Variants in MPDZ observed in about 807,000 individuals in gnomAD.
MPDZ encodes multiple PDZ domain crumbs cell polarity complex component.
In MPDZ, 234 loss-of-function variants were observed where a neutral mutation model predicts 239.1. The observed-to-expected ratio is 0.98, with a 90% CI of 0.88 to 1.09. MPDZ has a LOEUF of 1.09. Ranked by LOEUF, MPDZ falls within the 50% of genes least tolerant of loss-of-function variation. MPDZ has a pLI of 0.00. For missense variants in MPDZ, 3,175 were observed against 2,510.0 expected (o/e 1.26, Z -5.66); for synonymous variants, 1,048 against 881.3 (o/e 1.19, Z -3.35).
chr9:13,238,360 G>A (rs1300139641), intron 3 of MPDZ, among the ~76,000 whole-genome samples: 2 of 152,150 alleles, frequency 1.3e-5, no homozygotes, highest in African/African-American at 4.8e-5. Flanking sequence ...CCTTCCCCTC[G>A]AACCGTGTAA....
chr9:13,192,163 G>A lies in MPDZ; in HGVS notation c.1936C>T (p.Leu646=), dbSNP rs1343800752. The change falls in exon 15 of 47, where the codon CTG becomes TTG. Residue 646 remains leucine, a synonymous_variant. Coordinates refer to ENST00000319217, the MANE Select transcript of MPDZ (RefSeq NM_001378778.1). ...GTTAGCTCAATATCACATAAGTCCA[G>A]GCTATCCAATTCTGATTGGGTGGTG... ...PPTTQSELDS[L]DLCDIELTEK... 8.1e-6 allele frequency: 13 copies of A among 1,609,494 alleles called. No individual in the cohort carries two copies. The South Asian group carries it at 1.4e-4, about 18-fold the overall frequency.
intron 3 of MPDZ, among the ~76,000 whole-genome samples, chr9:13,238,959 T>C (rs533993243): frequency 3.9e-5 from 6 of 152,334 alleles, no homozygotes; most frequent in African/African-American, 1.4e-4. Context: ...AAAACACTTC[T>C]GAATTTTGAT....
At chr9:13,249,008 A>AAAAAAAAAAAAAAAAAAAAAAAAAC (rs1279043046) in intron 2 of MPDZ, among the ~76,000 whole-genome samples, 3 of 125,256 alleles carry the variant, frequency 2.4e-5, no homozygotes, top group Non-Finnish European at 3.4e-5. Context: ...AAAAAAAAAA[A>AAAAAAAAAAAAAAAAAAAAAAAAAC]ATTGGAATCA....
At chr9:13,157,362 A>T (rs1027825803) in intron 24 of MPDZ, among the ~76,000 whole-genome samples, 1 of 152,098 alleles carries the variant, frequency 6.6e-6, no homozygotes, top group Non-Finnish European at 1.5e-5. Flanking sequence ...TTGAGGCAGG[A>T]TTTGCATCTT....
intron 1 of MPDZ, among the ~76,000 whole-genome samples, chr9:13,268,532 A>C (rs1195021241): frequency 6.6e-6 from 1 of 152,170 alleles, no homozygotes; most frequent in Non-Finnish European, 1.5e-5. Flanking sequence ...AATTTAGTGG[A>C]AAACGGTAAG....
intron 22 of MPDZ, among the ~76,000 whole-genome samples, chr9:13,166,030 A>G (rs915783320): frequency 1.3e-5 from 2 of 152,100 alleles, no homozygotes; most frequent in African/African-American, 2.4e-5. Flanking sequence ...CCTAAAACCA[A>G]TCAGTTATGT....
At position 13,117,479 on chromosome 9, in the gene MPDZ, C is replaced by T. The variant is rs574966197; in HGVS notation, c.5379+2023G>A. 7.2e-4 allele frequency among the ~76,000 whole-genome samples: 108 copies of T among 149,674 alleles called. 1 individual carries two copies. Among genetic ancestry groups the T allele is most frequent in the Non-Finnish European group, 8.3e-4 (56 of 67,634 alleles). Reference sequence around the variant, plus strand: ...CCGGGAGGCGGAGCTTGCAGTGAGCCGAGATCACACCACTGCACTCCAGCC... The same window carrying T: ...CCGGGAGGCGGAGCTTGCAGTGAGCTGAGATCACACCACTGCACTCCAGCC... On this transcript the variant is annotated intron_variant, in intron 39 of 46. Coordinates refer to ENST00000319217, the MANE Select transcript of MPDZ (RefSeq NM_001378778.1).
In MPDZ at chr9:13,126,523, A is replaced by G. The variant is rs564441634; in HGVS notation, c.4625T>C (p.Ile1542Thr). Reference protein sequence around the residue: ...VDDEIVVGYPIEKFISLLKTA... With the variant: ...VDDEIVVGYPTEKFISLLKTA... The stretch of plus-strand genomic sequence containing the variant: ...TTTATTTTGGAAAATTACCTTTTCA[A>G]TAGGGTAACCAACAACAATTTCATC... Residue 1542 changes from isoleucine (I) to threonine (T), a missense_variant, in exon 34 of 47, where the codon ATT (isoleucine) becomes ACT (threonine). By Grantham distance (89) the Ile-to-Thr change is moderately conservative (BLOSUM62 -1). Coordinates refer to ENST00000319217, the MANE Select transcript of MPDZ (RefSeq NM_001378778.1). 8 of 1,561,358 alleles carry G rather than the reference A, an allele frequency of 5.1e-6. No homozygotes were observed. In the African/African-American group the frequency reaches 5.4e-5, roughly 11 times the overall value.
At chr9:13,111,997 G>A (rs1942563243) in intron 43 of MPDZ, 27 bp downstream of exon 43, 1 of 1,609,932 alleles carries the variant, frequency 6.2e-7, no homozygotes. Context: ...TTTTGCTAGG[G>A]CTTCTAGGGT....
chr9:13,125,193 T>C (rs765338028), intron 35 of MPDZ, 23 bp downstream of exon 35: 13 of 1,542,632 alleles, frequency 8.4e-6, no homozygotes, highest in Non-Finnish European at 1.1e-5. Context: ...TGTGCAGGAC[T>C]CTCATGAGTC....
In MPDZ at chr9:13,150,671, T is replaced by C; in HGVS notation, c.3470A>G (p.Glu1157Gly). The C allele has an allele frequency of 7.1e-7, 1 of 1,407,300 alleles. No homozygotes were observed. Among genetic ancestry groups the C allele is most frequent in the Non-Finnish European group, 9.3e-7 (1 of 1,071,336 alleles). The allele number at this position is 1,407,300 out of a possible 1,614,324, so 87.2% of individuals were successfully genotyped here. A position where few individuals can be genotyped will look rare whatever the true frequency, so the allele number is the denominator to read the frequency against. ...GCTGATGCCTAAGGATTTGCTTGGT[T>C]CTCTCCAGAGTTCCACCCTAAAAAA... ...NQPRRVELWR[E>G]PSKSLGISIV... The change falls in exon 25 of 47, where the codon GAA becomes GGA. Residue 1157 changes from glutamate to glycine, a missense_variant. By Grantham distance (98) the Glu-to-Gly change is moderately conservative. Coordinates refer to ENST00000319217, the MANE Select transcript of MPDZ (RefSeq NM_001378778.1).
At chr9:13,234,256 A>G (rs1008468063) in intron 3 of MPDZ, among the ~76,000 whole-genome samples, 1 of 152,070 alleles carries the variant, frequency 6.6e-6, no homozygotes, top group African/African-American at 2.4e-5. Context: ...TTTTAACCCA[A>G]TAGAATATTT....
intron 1 of MPDZ, among the ~76,000 whole-genome samples, chr9:13,272,140 G>A (rs75037787): frequency 0.012 from 1,786 of 152,132 alleles, 44 homozygotes; most frequent in African/African-American, 0.041. Context: ...TGTCAATTAT[G>A]ACTTATACCA....
intron 23 of MPDZ, among the ~76,000 whole-genome samples, chr9:13,160,852 AT>A (rs1391989365): frequency 1.6e-5 from 2 of 125,436 alleles, no homozygotes; most frequent in Admixed American, 8.1e-5. Flanking sequence ...ATATATATAT[AT>A]ATATATATAT....
intron 11 of MPDZ, 126 bp downstream of exon 11, chr9:13,205,790 T>A (rs73408206): frequency 0.023 from 18,602 of 819,694 alleles, 928 homozygotes; most frequent in African/African-American, 0.15. Flanking sequence ...TTATAATGAA[T>A]AGTTGAGGGT....
At chr9:13,253,289 TAC>T (rs1045300971) in intron 1 of MPDZ, among the ~76,000 whole-genome samples, 19 of 151,704 alleles carry the variant, frequency 1.3e-4, no homozygotes, top group African/African-American at 3.9e-4. Context: ...ACTTTAAAAT[TAC>T]AGTTTCAGAG....
intron 40 of MPDZ, among the ~76,000 whole-genome samples, chr9:13,114,558 G>T (rs1488265465): frequency 2.6e-5 from 4 of 152,050 alleles, no homozygotes; most frequent in Admixed American, 6.6e-5. Context: ...ACTTATATGG[G>T]ACTTTTCAGT....
chr9:13,108,912 G>T (rs372117977), intron 46 of MPDZ, 24 bp downstream of exon 46: 2 of 1,604,732 alleles, frequency 1.2e-6, no homozygotes, highest in Non-Finnish European at 1.7e-6. Flanking sequence ...GGGAAAAGAG[G>T]GTGGTTAAAA....
intron 31 of MPDZ, chr9:13,135,068 A>G (rs1483141362): frequency 6.6e-6 from 1 of 152,206 alleles, no homozygotes; most frequent in Non-Finnish European, 1.5e-5. Flanking sequence ...ACTGGAGACC[A>G]AATGTCCCAA....
Sources: gnomAD v4.1 joint callset for allele counts (sites outside exome capture counted in the v4.1 genomes callset) on GRCh38, gnomAD v4.1.1 for gene constraint, MANE v1.5 for transcripts, NCBI Gene and HGNC (gene_info 2026-07-23, HGNC 2026-07-21) for gene names.